MMP28: variants seen among roughly 807,000 people sequenced by gnomAD.
The protein encoded by MMP28 is matrix metallopeptidase 28.
In MMP28, 55 loss-of-function variants were observed where a neutral mutation model predicts 60.5. The ratio of observed to expected loss-of-function variants is 0.91; its 90% CI spans 0.73 to 1.14. The LOEUF is 1.14. MMP28 is among the 50% of genes most tolerant of loss of function. The pLI, the probability that MMP28 is intolerant of heterozygous loss-of-function variation, is 0.00. For synonymous variants in MMP28, 318 were observed against 312.5 expected, an observed-to-expected ratio of 1.02 and a Z score of -0.18; for missense variants, 686 against 738.3, an observed-to-expected ratio of 0.93 and a Z score of 0.82.
downstream of MMP28, chr17:35,764,220 AGT>A: frequency 2.6e-6 from 4 of 1,545,752 alleles, no homozygotes; most frequent in Admixed American, 2.0e-5. Context: ...CTGCGCCAGG[AGT>A]CCAGCACCCA....
Position 35,766,805 on chromosome 17 carries a change from C to T in MMP28, c.1258G>A (p.Ala420Thr), listed in dbSNP as rs758725453. Residue 420 changes from alanine to threonine, a missense_variant, in exon 8 of 8, where the codon GCC becomes ACC. Physicochemically the swap from Ala to Thr is moderately conservative, Grantham distance 58. Transcript: ENST00000605424. The surrounding 1 kb of genome is among the most constrained non-coding windows in gnomAD (Gnocchi z 4.3). ...CGCAGAGGAGGGAAGAAGAGGGCGG[C>T]GTCAGGATGGCGGGGCAGGCCCCCT... is the stretch of plus-strand genomic sequence containing the variant. ...RAGGLPRHPD[A>T]ALFFPPLRRL... 1.2e-5 allele frequency: 19 copies of T among 1,573,536 alleles called. No homozygotes were observed. The highest frequency in any genetic ancestry group is 9.3e-5 in the Admixed American group (5 of 53,922).
Position 35,766,290 on chromosome 17 carries a change from G to A in MMP28, c.*210C>T, listed in dbSNP as rs182659305. 3.7e-3 allele frequency: 5,060 copies of A among 1,354,818 alleles called. 11 individuals are homozygous for A. The highest frequency in any genetic ancestry group is 4.2e-3 in the Non-Finnish European group (4,457 of 1,054,534). The allele number at this position is 1,354,818 out of a possible 1,614,324, so 83.9% of individuals were successfully genotyped here. On this transcript the variant is annotated 3_prime_UTR_variant, in exon 8 of 8. Transcript: ENST00000605424. This position sits in a 1 kb window ranked among gnomAD's most constrained non-coding sequence, Gnocchi z 4.3. ...ACCCTTTTTTGCTTTTCCTAAGATT[G>A]ATCCCACCCCCACCTCCATGTGGTG...
intron 1 of MMP28, among the ~76,000 whole-genome samples, chr17:35,792,196 C>G (rs1598488041): frequency 6.6e-6 from 1 of 152,142 alleles, no homozygotes; most frequent in South Asian, 2.1e-4. Context: ...ATCGTGGGGT[C>G]TATGTTCCCT....
downstream of MMP28, among the ~76,000 whole-genome samples, chr17:35,763,488 G>T (rs1211363890): frequency 4.7e-5 from 5 of 105,822 alleles, no homozygotes; most frequent in Non-Finnish European, 9.1e-5. Context: ...GTCTGACCTT[G>T]TTGCCCACAC....
chr17:35,761,978 C>A (rs1456747071), downstream of MMP28, among the ~76,000 whole-genome samples: 1 of 152,016 alleles, frequency 6.6e-6, no homozygotes, highest in Admixed American at 6.6e-5. Flanking sequence ...AGAAACGTTT[C>A]TTTTTCTTTC....
chr17:35,786,884 T>C (rs1162250615), intron 1 of MMP28, among the ~76,000 whole-genome samples: 1 of 152,022 alleles, frequency 6.6e-6, no homozygotes, highest in East Asian at 1.9e-4. Context: ...GGTGTTGCTA[T>C]TCCCATTTTA....
intron 1 of MMP28, among the ~76,000 whole-genome samples, chr17:35,791,010 A>G (rs1050411419): frequency 6.6e-6 from 1 of 151,710 alleles, no homozygotes; most frequent in East Asian, 2.0e-4. Flanking sequence ...GATTACAGGT[A>G]TGAGTCACTG....
At chr17:35,786,717 A>AAAAAAAAAAAAAAAAAAAAAAAG (rs2086661701) in intron 1 of MMP28, among the ~76,000 whole-genome samples, 1 of 151,012 alleles carries the variant, frequency 6.6e-6, no homozygotes, top group African/African-American at 2.4e-5. Context: ...AAAAAAAAAG[A>AAAAAAAAAAAAAAAAAAAAAAAG]TGAATGATAG....
chr17:35,772,604 A>T (rs1555606109), intron 4 of MMP28, among the ~76,000 whole-genome samples: 2 of 152,250 alleles, frequency 1.3e-5, no homozygotes, highest in Non-Finnish European at 2.9e-5. Context: ...ATGTGCAAAC[A>T]GCCTATATTC....
rs762189335 is a variant in MMP28 at position 35,767,788 on chromosome 17, C to T, written c.1132G>A (p.Val378Met). Residue 378 changes from valine to methionine, a missense_variant, in exon 7 of 8, where the codon GTG becomes ATG. By Grantham distance (21) the Val-to-Met change is conservative. Transcript: ENST00000605424. ...GLPPNIEAAA[V>M]SLNDGDFYFF... ...TAGAAATCTCCATCATTCAATGACA[C>T]TGCCGCAGCCTCAATGTTGGGGGGC... is the stretch of plus-strand genomic sequence containing the variant. The T allele has an allele frequency of 6.3e-7, 1 of 1,587,058 alleles. No homozygotes were observed. Among genetic ancestry groups the T allele is most frequent in the East Asian group, 2.3e-5 (1 of 43,742 alleles).
exon 3 of MMP28, chr17:35,756,395 G>T: frequency 1.0e-6 from 1 of 985,078 alleles, no homozygotes; most frequent in Non-Finnish European, 1.2e-6. Flanking sequence ...AGTCAATGCC[G>T]ATCTCCCAGA....
rs1555606667 is a variant in MMP28, at chr17:35,773,423, A to G, written c.380-19T>C. Reference sequence around the variant, plus strand: ...TTGTTACCTGCCACCCAGAAAGCCCACGTCAGTCACACCTGCTGCAGAGCC... The same window carrying G: ...TTGTTACCTGCCACCCAGAAAGCCCGCGTCAGTCACACCTGCTGCAGAGCC... On this transcript the variant is annotated intron_variant, in intron 3 of 7. Coordinates refer to ENST00000605424, the MANE Select transcript of MMP28 (RefSeq NM_024302.5). 2 of 1,562,310 alleles carry G rather than the reference A, an allele frequency of 1.3e-6. No homozygotes were observed. Among genetic ancestry groups the G allele is most frequent in the African/African-American group, 2.7e-5 (2 of 73,692 alleles).
chr17:35,759,822 A>G, intron 2 of MMP28, among the ~76,000 whole-genome samples: 1 of 152,022 alleles, frequency 6.6e-6, no homozygotes. Context: ...TAGGACACCG[A>G]AGCAAGGGAA....
chr17:35,787,899 C>CTTTTTTTTTTTTTTTTTTTTTTTTTT (rs532350874), intron 1 of MMP28, among the ~76,000 whole-genome samples: 1 of 104,414 alleles, frequency 9.6e-6, no homozygotes, highest in Non-Finnish European at 1.8e-5. Context: ...TTTTCTTTCC[C>CTTTTTTTTTTTTTTTTTTTTTTTTTT]TTTTTTTTTT....
At chr17:35,763,890 C>T (rs2085874766), downstream of MMP28, 2 of 652,264 alleles carry the variant, frequency 3.1e-6, no homozygotes, top group Non-Finnish European at 3.9e-6. Context: ...GAGAGAGACC[C>T]TGTCTCAAAA....
At chr17:35,765,863 G>A (rs961888010), downstream of MMP28, 25 of 985,356 alleles carry the variant, frequency 2.5e-5, no homozygotes, top group African/African-American at 4.4e-4. Flanking sequence ...AAGGAAGGCT[G>A]CTTCCTGCCT....
At chr17:35,786,684 G>A (rs1325839214) in intron 1 of MMP28, among the ~76,000 whole-genome samples, 1 of 104,822 alleles carries the variant, frequency 9.5e-6, no homozygotes, top group South Asian at 3.3e-4. Flanking sequence ...GCCTCATAGT[G>A]AGATCCTGTC....
intron 5 of MMP28, among the ~76,000 whole-genome samples, chr17:35,768,804 C>T (rs566450298): frequency 3.3e-5 from 5 of 151,760 alleles, no homozygotes; most frequent in African/African-American, 7.3e-5. Flanking sequence ...AGCGAGACTC[C>T]GTCTCAAAAA....
Position 35,768,371 on chromosome 17 carries a change from G to A in MMP28, c.859C>T (p.Leu287=), listed in dbSNP as rs2086011524. 6.2e-7 allele frequency: 1 copy of A among 1,601,640 alleles called. No homozygotes were observed. Among genetic ancestry groups the A allele is most frequent in the Admixed American group, 1.8e-5 (1 of 56,456 alleles). The change falls in exon 6 of 8, where the codon CTA becomes TTA. Residue 287 remains leucine (L), a synonymous_variant. Coordinates refer to ENST00000605424, the MANE Select transcript of MMP28 (RefSeq NM_024302.5). Reference sequence around the variant, plus strand: ...AGCTGGACGGCCACTGAGCCCCCTAGGGGCTTCCCTTTGTGAGTAAGGAAA... The same window carrying A: ...AGCTGGACGGCCACTGAGCCCCCTAAGGGCTTCCCTTTGTGAGTAAGGAAA... ...LAVQSLYGKP[L]GGSVAVQLPG...
Sources: gnomAD v4.1 joint callset for allele counts (sites outside exome capture counted in the v4.1 genomes callset) on GRCh38, gnomAD v4.1.1 for gene constraint, Gnocchi (gnomAD v3.1) non-coding constraint, MANE v1.5 for transcripts, NCBI Gene and HGNC (gene_info 2026-07-23, HGNC 2026-07-21) for gene names.